ATP9B: variants seen among roughly 807,000 people sequenced by gnomAD.
The protein encoded by ATP9B is probable phospholipid-transporting ATPase IIB.
Under a neutral mutation model 146.1 loss-of-function variants are expected in ATP9B, and 110 were observed. The ratio of observed to expected loss-of-function variants is 0.75; its 90% CI spans 0.65 to 0.88. The LOEUF (loss-of-function observed/expected upper bound fraction) is 0.88. Ranked by LOEUF, ATP9B falls within the 40% of genes least tolerant of loss-of-function variation. The pLI is 0.00. For synonymous variants in ATP9B, 604 were observed against 569.7 expected, an observed-to-expected ratio of 1.06 and a Z score of -0.86; for missense variants, 1,499 against 1,496.4, an observed-to-expected ratio of 1.00 and a Z score of -0.03.
At chr18:79,227,963 A>T (rs1049994363) in intron 11 of ATP9B, among the ~76,000 whole-genome samples, 1 of 152,104 alleles carries the variant, frequency 6.6e-6, no homozygotes, top group Non-Finnish European at 1.5e-5. Context: ...TGAAAATCTC[A>T]TATTTGTTCA....
At chr18:79,199,762 G>GA (rs61015454) in intron 9 of ATP9B, among the ~76,000 whole-genome samples, 90 of 139,556 alleles carry the variant, frequency 6.4e-4, no homozygotes, top group Middle Eastern at 3.7e-3. Context: ...GACTACATCT[G>GA]AAAAAAAAAA....
rs78673874 is a variant in ATP9B, at chr18:79,237,878, A to T, written c.1108-15503A>T. Among the ~76,000 whole-genome samples the T allele has an allele frequency of 5.0e-3, 758 of 151,856 alleles. 10 individuals carry two copies. Among genetic ancestry groups the T allele is most frequent in the African/African-American group, 0.017 (687 of 41,384 alleles). ...GCTAATTTTTTATTTTTTTGTAGAG[A>T]CTGGGCCTCCTGTATTCCCTAGGCT... On this transcript the variant is annotated intron_variant, in intron 11 of 29. Coordinates refer to ENST00000426216, the MANE Select transcript of ATP9B (RefSeq NM_198531.5).
At position 79,213,330 on chromosome 18, in the gene ATP9B, A is replaced by G. The variant is rs779666967; in HGVS notation, c.1031-632A>G. Among the ~76,000 whole-genome samples the G allele has an allele frequency of 1.1e-3, 164 of 152,218 alleles. 1 individual carries two copies. The highest frequency in any genetic ancestry group is 1.9e-3 in the Non-Finnish European group (129 of 67,974). ...AAGTGCCCTTTAGCCTTTGAAATCT[A>G]TCGGTCATACCAAGGATATTTTATT... is the stretch of plus-strand genomic sequence containing the variant. On this transcript the variant is annotated intron_variant, in intron 10 of 29. Transcript: ENST00000426216.
chr18:79,193,318 G>A (rs2095387022), intron 9 of ATP9B, 55 bp downstream of exon 9: 1 of 1,383,746 alleles, frequency 7.2e-7, no homozygotes, highest in South Asian at 1.2e-5. Context: ...GTTAAAAGTA[G>A]CAAACCTTTG....
intron 4 of ATP9B, among the ~76,000 whole-genome samples, chr18:79,116,940 T>TAAAAAAAAAAAAAAAAAAAAAAAATAA (rs377608135): frequency 9.4e-6 from 1 of 106,792 alleles, no homozygotes; most frequent in African/African-American, 3.6e-5. Flanking sequence ...AAAAAAAAAT[T>TAAAAAAAAAAAAAAAAAAAAAAAATAA]AAAAAAAAAA....
chr18:79,349,549 T>G (rs940571533), intron 25 of ATP9B, among the ~76,000 whole-genome samples: 4 of 152,212 alleles, frequency 2.6e-5, no homozygotes, highest in African/African-American at 9.6e-5. Context: ...CTGTTTCTAG[T>G]CCGCAGTCTA....
chr18:79,290,059 C>T (rs2096486304), intron 13 of ATP9B, among the ~76,000 whole-genome samples: 2 of 152,114 alleles, frequency 1.3e-5, no homozygotes, highest in African/African-American at 2.4e-5. Context: ...GCTCGGGGGT[C>T]AGGGGTCAGG....
At chr18:79,189,440 A>G (rs766642122) in intron 8 of ATP9B, among the ~76,000 whole-genome samples, 3 of 152,108 alleles carry the variant, frequency 2.0e-5, no homozygotes, top group African/African-American at 4.8e-5. Flanking sequence ...GGTCAATTGT[A>G]TCAATCCCCC....
chr18:79,189,280 G>T (rs2095339286), intron 8 of ATP9B, among the ~76,000 whole-genome samples: 1 of 152,066 alleles, frequency 6.6e-6, no homozygotes, highest in African/African-American at 2.4e-5. Context: ...CTGGGAGGCG[G>T]AGGTTGCAGT....
intron 11 of ATP9B, among the ~76,000 whole-genome samples, chr18:79,231,778 G>A (rs62101138): frequency 0.56 from 67,772 of 120,884 alleles, 19,721 homozygotes; most frequent in Middle Eastern, 0.76. Context: ...GTGTGTGTGT[G>A]TATATATATA....
chr18:79,074,267 G>A (rs28412274), intron 1 of ATP9B, among the ~76,000 whole-genome samples: 37,935 of 152,040 alleles, frequency 0.25, 5,063 homozygotes, highest in East Asian at 0.5. Flanking sequence ...CCATGGGGAT[G>A]AAGAGGCTTC....
intron 9 of ATP9B, among the ~76,000 whole-genome samples, chr18:79,194,104 T>A (rs563768343): frequency 6.6e-6 from 1 of 152,274 alleles, no homozygotes; most frequent in African/African-American, 2.4e-5. Flanking sequence ...AAGATGTTCA[T>A]GGAGGGACAG....
At chr18:79,185,813 ATCACAGTTGTG>A (rs1463486002) in intron 8 of ATP9B, among the ~76,000 whole-genome samples, 1 of 151,952 alleles carries the variant, frequency 6.6e-6, no homozygotes, top group Non-Finnish European at 1.5e-5. Context: ...TGTTTGTTGT[ATCACAGTTGTG>A]TCACATCAGA....
chr18:79,270,870 T>G (rs916367247), intron 12 of ATP9B, among the ~76,000 whole-genome samples: 1 of 152,192 alleles, frequency 6.6e-6, no homozygotes, highest in African/African-American at 2.4e-5. Flanking sequence ...TCACAGTGAC[T>G]TCCCACATGA....
At chr18:79,169,151 T>G (rs991452304) in intron 7 of ATP9B, among the ~76,000 whole-genome samples, 3 of 152,132 alleles carry the variant, frequency 2.0e-5, no homozygotes, top group East Asian at 1.9e-4. Context: ...CCTCAAGGGC[T>G]TCCACCCTGT....
intron 6 of ATP9B, among the ~76,000 whole-genome samples, chr18:79,153,487 T>C (rs759735566): frequency 1.3e-5 from 2 of 152,188 alleles, no homozygotes; most frequent in Non-Finnish European, 2.9e-5. Context: ...TATGATGTGC[T>C]CTGTTTTGTG....
intron 1 of ATP9B, among the ~76,000 whole-genome samples, chr18:79,093,889 G>C (rs975220886): frequency 6.6e-6 from 1 of 152,156 alleles, no homozygotes; most frequent in African/African-American, 2.4e-5. Context: ...ATTCCAATAT[G>C]TTTTTCATAC....
chr18:79,374,229 T>G, intron 28 of ATP9B, 128 bp downstream of exon 28: 1 of 1,079,894 alleles, frequency 9.3e-7, no homozygotes, highest in African/African-American at 1.6e-5. Flanking sequence ...AGAAAGTGCC[T>G]GCTCTTACTG....
intron 15 of ATP9B, among the ~76,000 whole-genome samples, chr18:79,309,996 A>G (rs1174483105): frequency 6.6e-6 from 1 of 152,210 alleles, no homozygotes; most frequent in Non-Finnish European, 1.5e-5. Flanking sequence ...TGGGTATGAA[A>G]GCTGCTCAAT....
Sources: gnomAD v4.1 joint callset for allele counts (sites outside exome capture counted in the v4.1 genomes callset) on GRCh38, gnomAD v4.1.1 for gene constraint, MANE v1.5 for transcripts, NCBI Gene and HGNC (gene_info 2026-07-23, HGNC 2026-07-21) for gene names.